Variants in OSBPL11 observed in about 807,000 individuals in gnomAD.
OSBPL11 encodes the protein oxysterol binding protein like 11.
OSBPL11 carries 33 observed loss-of-function variants against 84.4 expected under a neutral mutation model. That is an observed-to-expected ratio of 0.39 (90% CI 0.30 to 0.52). The LOEUF is 0.52. Among genes scored for constraint, OSBPL11 ranks in the 20% least tolerant of loss-of-function variants. The pLI is 0.72. For synonymous variants in OSBPL11, 276 were observed against 310.2 expected (o/e 0.89, Z 1.16); for missense variants, 736 against 901.1 (o/e 0.82, Z 2.35).
At chr3:125,530,699 TTG>T in intron 12 of OSBPL11, 119 bp from the exon 13 acceptor site, 1 of 810,970 alleles carries the variant, frequency 1.2e-6, no homozygotes, top group Non-Finnish European at 2.0e-6. Flanking sequence ...AAACAAGTTT[TTG>T]TGAAGGAATA....
At chr3:125,581,024 A>G (rs1936415523) in intron 2 of OSBPL11, among the ~76,000 whole-genome samples, 1 of 152,158 alleles carries the variant, frequency 6.6e-6, no homozygotes, top group Non-Finnish European at 1.5e-5. Flanking sequence ...TGGAAAAAAA[A>G]ATTCTGATTT....
intron 12 of OSBPL11, 62 bp downstream of exon 12, chr3:125,531,799 T>TCAA: frequency 6.8e-7 from 1 of 1,465,244 alleles, no homozygotes. Flanking sequence ...CAACAAAGCC[T>TCAA]AGTAAGCTAA....
chr3:125,576,665 T>C (rs1936329020), intron 4 of OSBPL11, among the ~76,000 whole-genome samples: 1 of 152,126 alleles, frequency 6.6e-6, no homozygotes, highest in Admixed American at 6.6e-5. Flanking sequence ...AATTTCAGAT[T>C]TTTTAAACAC....
chr3:125,575,571 C>T (rs898935615), intron 5 of OSBPL11, among the ~76,000 whole-genome samples: 8 of 151,712 alleles, frequency 5.3e-5, no homozygotes, highest in African/African-American at 1.7e-4. Context: ...ACTCTGCTAC[C>T]CAGGCTGGAG....
chr3:125,545,381 T>A (rs1266386111), intron 10 of OSBPL11, among the ~76,000 whole-genome samples: 1 of 152,244 alleles, frequency 6.6e-6, no homozygotes, highest in Non-Finnish European at 1.5e-5. Context: ...TTAGCTATAG[T>A]AACCATCTAA....
chr3:125,555,158 C>T (rs984196120), intron 8 of OSBPL11, among the ~76,000 whole-genome samples: 6 of 152,170 alleles, frequency 3.9e-5, no homozygotes, highest in Admixed American at 3.3e-4. Context: ...TTCTGGCCTA[C>T]ATCTTTCTCC....
At chr3:125,590,304 C>G (rs1936577671) in intron 1 of OSBPL11, among the ~76,000 whole-genome samples, 1 of 152,208 alleles carries the variant, frequency 6.6e-6, no homozygotes, top group Non-Finnish European at 1.5e-5. Flanking sequence ...AATCCTAGTA[C>G]TTCAGGAGGC....
At chr3:125,577,104 C>G (rs568816037) in intron 4 of OSBPL11, among the ~76,000 whole-genome samples, 1 of 152,244 alleles carries the variant, frequency 6.6e-6, no homozygotes, top group Admixed American at 6.5e-5. Flanking sequence ...TAGAACCTTG[C>G]AGTATGAGAA....
Position 125,576,277 on chromosome 3 carries a change from AT to A in OSBPL11, c.577del (p.Ile193PhefsTer14). ...ISQRRPSQNA[I>X]SFFNVGHSKL... ...GGAATGTCCAACATTAAAAAAAGAA[AT>A]GGCATTTTGACTTGGTCTCCTCTGC... On this transcript the variant is annotated frameshift_variant, in exon 5 of 13. Coordinates refer to ENST00000296220, the MANE Select transcript of OSBPL11 (RefSeq NM_022776.5). LOFTEE classifies it high-confidence loss of function. The A allele has an allele frequency of 6.2e-7, 1 of 1,611,170 alleles. No homozygotes were observed. The highest frequency in any genetic ancestry group is 8.5e-7 in the Non-Finnish European group (1 of 1,179,100).
intron 1 of OSBPL11, among the ~76,000 whole-genome samples, chr3:125,592,871 C>T (rs190116099): frequency 5.3e-4 from 81 of 152,042 alleles, no homozygotes; most frequent in African/African-American, 1.8e-3. Context: ...AAAAATGCAT[C>T]AGAAACCTAA....
chr3:125,594,901 C>T lies in OSBPL11; in HGVS notation c.-101G>A. 1.5e-6 allele frequency: 2 copies of T among 1,341,792 alleles called. No individual in the cohort carries two copies. The highest frequency in any genetic ancestry group is 2.0e-6 in the Non-Finnish European group (2 of 986,670). The allele number at this position is 1,341,792 out of a possible 1,614,324, so 83.1% of individuals were successfully genotyped here. ...TTAAGATTTGATCTGAATATGATACCGGTTGCTAAATCACACGGCGGCTGG... is the reference window on the plus strand; with the variant it reads ...TTAAGATTTGATCTGAATATGATACTGGTTGCTAAATCACACGGCGGCTGG... On this transcript the variant is annotated 5_prime_UTR_variant, in exon 1 of 13. Coordinates refer to ENST00000296220, the MANE Select transcript of OSBPL11 (RefSeq NM_022776.5).
At chr3:125,579,812 C>A in intron 3 of OSBPL11, 53 bp downstream of exon 3, 1 of 1,550,222 alleles carries the variant, frequency 6.5e-7, no homozygotes, top group Non-Finnish European at 8.9e-7. Flanking sequence ...AAGACACCAA[C>A]TTCTCAAAAA....
intron 1 of OSBPL11, among the ~76,000 whole-genome samples, chr3:125,585,956 G>A (rs1374047193): frequency 6.6e-6 from 1 of 152,098 alleles, no homozygotes; most frequent in Non-Finnish European, 1.5e-5. Context: ...AATTTTCAGG[G>A]CCTGGTGTAG....
At chr3:125,538,384 G>C in intron 11 of OSBPL11, 67 bp downstream of exon 11, 1 of 1,476,932 alleles carries the variant, frequency 6.8e-7, no homozygotes. Flanking sequence ...TCACCAGTTA[G>C]TGAAAAGGCT....
intron 9 of OSBPL11, among the ~76,000 whole-genome samples, chr3:125,550,666 T>C (rs959154431): frequency 1.3e-5 from 2 of 152,178 alleles, no homozygotes; most frequent in Non-Finnish European, 2.9e-5. Flanking sequence ...AACATAAAAG[T>C]GGTATTTTTT....
chr3:125,560,345 A>G, intron 8 of OSBPL11, 34 bp downstream of exon 8: 1 of 1,477,194 alleles, frequency 6.8e-7, no homozygotes, highest in Non-Finnish European at 9.1e-7. Context: ...ACAGCCCTTA[A>G]CAATCTCCAT....
At chr3:125,540,501 A>G (rs550867377) in intron 10 of OSBPL11, among the ~76,000 whole-genome samples, 115 of 152,208 alleles carry the variant, frequency 7.6e-4, no homozygotes, top group African/African-American at 2.6e-3. Context: ...GCCAGTGTGA[A>G]TGTTTCTTGT....
At chr3:125,566,251 C>A (rs1413237788) in intron 6 of OSBPL11, among the ~76,000 whole-genome samples, 2 of 152,164 alleles carry the variant, frequency 1.3e-5, no homozygotes, top group African/African-American at 4.8e-5. Context: ...GGTGACCCGC[C>A]TGCCTCAGCT....
In OSBPL11 at chr3:125,567,356, C is replaced by T. The variant is rs774549842; in HGVS notation, c.868+38G>A. 6 of 1,502,986 alleles carry T rather than the reference C, an allele frequency of 4.0e-6. No homozygotes were observed. The East Asian group carries it at 1.4e-4, about 34-fold the overall frequency. 93.1% of individuals were successfully genotyped at this position (1,502,986 alleles called of 1,614,324 possible). A position where few individuals can be genotyped will look rare whatever the true frequency, so the allele number is the denominator to read the frequency against. On this transcript the variant is annotated intron_variant, in intron 6 of 12. Coordinates refer to ENST00000296220, the MANE Select transcript of OSBPL11 (RefSeq NM_022776.5). ...AAATACAGTCCTTTCCATGTGTTGG[C>T]CTTCATTGTGAAGCCCTACCTTTAA... is the stretch of plus-strand genomic sequence containing the variant.
Sources: allele counts gnomAD v4.1 joint callset (sites outside exome capture counted in the v4.1 genomes callset), GRCh38; gene constraint gnomAD v4.1.1; transcripts MANE v1.5; gene names NCBI Gene and HGNC (gene_info 2026-07-23, HGNC 2026-07-21).